Variants in GRM7 observed in about 807,000 individuals in gnomAD.
The protein encoded by GRM7 is metabotropic glutamate receptor 7.
In GRM7, 35 loss-of-function variants were observed where a neutral mutation model predicts 84.5. The ratio of observed to expected loss-of-function variants is 0.41; its 90% CI spans 0.32 to 0.55. The LOEUF is 0.55. GRM7 is among the 20% of genes least tolerant of loss of function. The pLI is 0.19. For missense variants in GRM7, 1,003 were observed against 1,194.6 expected, an observed-to-expected ratio of 0.84 and a Z score of 2.36; for synonymous variants, 487 against 455.1, an observed-to-expected ratio of 1.07 and a Z score of -0.89.
intron 1 of GRM7, among the ~76,000 whole-genome samples, chr3:6,958,071 GTA>G (rs937675552): frequency 2.7e-5 from 4 of 147,740 alleles, no homozygotes; most frequent in Admixed American, 6.7e-5. Context: ...TTCATTATGT[GTA>G]TATATGTGTG....
chr3:7,083,019 G>A (rs1438571018), intron 1 of GRM7, among the ~76,000 whole-genome samples: 1 of 152,168 alleles, frequency 6.6e-6, no homozygotes, highest in African/African-American at 2.4e-5. Flanking sequence ...GACAACAAAC[G>A]ATTTAGAATA....
rs183935760 is a variant in GRM7 at position 6,931,681 on chromosome 3, A to G, written c.519+69774A>G. 3.9e-5 allele frequency among the ~76,000 whole-genome samples: 6 copies of G among 152,350 alleles called. No individual in the cohort carries two copies. In the East Asian group the frequency reaches 1.2e-3, roughly 29 times the overall value. ...TCCCCTCTTTTGTGCCATAGAAATT[A>G]TATAAATTTGTAATTATTCCTTGAT... On this transcript the variant is annotated intron_variant, in intron 1 of 9. Coordinates refer to ENST00000357716, the MANE Select transcript of GRM7 (RefSeq NM_000844.4).
intron 6 of GRM7, among the ~76,000 whole-genome samples, chr3:7,457,960 C>T (rs6782011): frequency 0.52 from 79,577 of 152,000 alleles, 22,938 homozygotes; most frequent in Non-Finnish European, 0.66. Flanking sequence ...ATATATGTTG[C>T]CACTGTTTTG....
chr3:7,252,793 AT>A (rs1698046981), intron 2 of GRM7, among the ~76,000 whole-genome samples: 1 of 149,830 alleles, frequency 6.7e-6, no homozygotes, highest in Admixed American at 6.7e-5. Context: ...GGTTCAACTG[AT>A]TTTCCTGCCT....
At chr3:7,351,338 C>CAAAAAA (rs1559258100) in intron 4 of GRM7, among the ~76,000 whole-genome samples, 17 of 41,372 alleles carry the variant, frequency 4.1e-4, no homozygotes, top group African/African-American at 1.4e-3. Flanking sequence ...TTCCCACAGG[C>CAAAAAA]GAAAAAAAAA....
At chr3:7,181,806 T>C (rs1274110706) in intron 2 of GRM7, among the ~76,000 whole-genome samples, 1 of 151,816 alleles carries the variant, frequency 6.6e-6, no homozygotes, top group African/African-American at 2.4e-5. Context: ...GGAGATGAGG[T>C]GACTATGTTG....
intron 5 of GRM7, among the ~76,000 whole-genome samples, chr3:7,431,780 C>T (rs1338198019): frequency 6.6e-6 from 1 of 152,172 alleles, no homozygotes. Flanking sequence ...CACCGCAGTA[C>T]ACTCTATGAA....
At chr3:7,022,080 C>A (rs555952956) in intron 1 of GRM7, among the ~76,000 whole-genome samples, 1 of 152,222 alleles carries the variant, frequency 6.6e-6, no homozygotes, top group Admixed American at 6.5e-5. Context: ...ATAATCCCAG[C>A]ACTTTGGGAG....
At chr3:7,366,455 T>G (rs960318952) in intron 4 of GRM7, among the ~76,000 whole-genome samples, 2 of 151,930 alleles carry the variant, frequency 1.3e-5, no homozygotes, top group East Asian at 1.9e-4. Context: ...GCAGAGGTCC[T>G]CTCAATGTCT....
intron 2 of GRM7, among the ~76,000 whole-genome samples, chr3:7,278,548 A>G (rs1469259039): frequency 6.6e-6 from 1 of 152,046 alleles, no homozygotes; most frequent in Non-Finnish European, 1.5e-5. Context: ...TCATTATTTA[A>G]TTGATAGGTG....
chr3:6,941,065 C>G (rs1559341220), intron 1 of GRM7, among the ~76,000 whole-genome samples: 1 of 152,210 alleles, frequency 6.6e-6, no homozygotes, highest in Admixed American at 6.5e-5. Context: ...AGTCACCTTT[C>G]CAGAAGACTC....
chr3:6,938,121 C>G (rs1697753755), intron 1 of GRM7, among the ~76,000 whole-genome samples: 1 of 152,166 alleles, frequency 6.6e-6, no homozygotes, highest in Admixed American at 6.5e-5. Flanking sequence ...GGCCTTCATT[C>G]CAATAGAGTC....
At chr3:7,350,382 G>A (rs550162085) in intron 4 of GRM7, among the ~76,000 whole-genome samples, 1 of 151,968 alleles carries the variant, frequency 6.6e-6, no homozygotes, top group South Asian at 2.1e-4. Context: ...CTATCATAGT[G>A]ATAGTGAGTT....
intron 1 of GRM7, among the ~76,000 whole-genome samples, chr3:7,140,134 C>A (rs1237571703): frequency 6.6e-6 from 1 of 151,814 alleles, no homozygotes; most frequent in Non-Finnish European, 1.5e-5. Flanking sequence ...TGGCTATAAT[C>A]AAAAAGACAA....
intron 1 of GRM7, among the ~76,000 whole-genome samples, chr3:6,873,235 C>CT (rs1274586461): frequency 6.6e-6 from 1 of 152,116 alleles, no homozygotes; most frequent in African/African-American, 2.4e-5. Context: ...CCAGGCCTGG[C>CT]TAATTTTTTG....
intron 4 of GRM7, among the ~76,000 whole-genome samples, chr3:7,337,033 T>A (rs181952636): frequency 3.3e-5 from 5 of 151,922 alleles, no homozygotes; most frequent in African/African-American, 1.2e-4. Context: ...TTCACAGAAC[T>A]AGAAAAAACA....
intron 1 of GRM7, among the ~76,000 whole-genome samples, chr3:7,075,496 A>ATGTGTGTGTG (rs376048569): frequency 0.014 from 1,924 of 138,478 alleles, 24 homozygotes; most frequent in Non-Finnish European, 0.018. Context: ...TGCTTCTCAG[A>ATGTGTGTGTG]TGTGTGTGTG....
At chr3:6,997,014 G>C (rs561865129) in intron 1 of GRM7, among the ~76,000 whole-genome samples, 2 of 152,246 alleles carry the variant, frequency 1.3e-5, no homozygotes, top group South Asian at 2.1e-4. Flanking sequence ...GTAGTAAGAA[G>C]TTATGATTAA....
intron 4 of GRM7, among the ~76,000 whole-genome samples, chr3:7,363,297 T>C (rs1693748544): frequency 6.6e-6 from 1 of 152,062 alleles, no homozygotes; most frequent in Non-Finnish European, 1.5e-5. Flanking sequence ...GATGATTTGT[T>C]CTGCATTAAC....
Sources: allele counts gnomAD v4.1 joint callset (sites outside exome capture counted in the v4.1 genomes callset), GRCh38; gene constraint gnomAD v4.1.1; transcripts MANE v1.5; gene names NCBI Gene and HGNC (gene_info 2026-07-23, HGNC 2026-07-21).